GMDS: variants seen among roughly 807,000 people sequenced by gnomAD.
GMDS encodes the protein GDP-mannose 4,6 dehydratase.
In GMDS, 20 loss-of-function variants were observed where a neutral mutation model predicts 49.9. The ratio of observed to expected loss-of-function variants is 0.40; its 90% CI spans 0.28 to 0.58. The LOEUF (loss-of-function observed/expected upper bound fraction) is 0.58, where lower values mean the gene tolerates loss of function less well. GMDS is among the 20% of genes least tolerant of loss of function. The probability of loss-of-function intolerance (pLI) is 0.42; values close to 1 mark genes in which losing one functional copy is unlikely to be tolerated. For missense variants in GMDS, 362 were observed against 481.4 expected, an observed-to-expected ratio of 0.75 and a Z score of 2.32; for synonymous variants, 177 against 178.6, an observed-to-expected ratio of 0.99 and a Z score of 0.07.
chr6:1,747,950 A>G lies in GMDS; in HGVS notation c.772-5364T>C, dbSNP rs114243809. Among the ~76,000 whole-genome samples, 490 of 152,356 alleles carry G rather than the reference A, an allele frequency of 3.2e-3. 2 individuals carry two copies. The highest frequency in any genetic ancestry group is 0.011 in the African/African-American group (473 of 41,580). ...ATACGACGTTACTGAACAGAAAAAA[A>G]AAGATAATAAATTAATCAAAGGACC... On this transcript the variant is annotated intron_variant, in intron 7 of 10. Coordinates refer to ENST00000380815, the MANE Select transcript of GMDS (RefSeq NM_001500.4).
chr6:2,028,714 A>G (rs941628066), intron 4 of GMDS, among the ~76,000 whole-genome samples: 1 of 152,242 alleles, frequency 6.6e-6, no homozygotes, highest in Non-Finnish European at 1.5e-5. Flanking sequence ...AAAGAGCCTC[A>G]GAATGCTTTA....
intron 1 of GMDS, among the ~76,000 whole-genome samples, chr6:2,192,262 G>A (rs575115185): frequency 6.6e-5 from 10 of 152,206 alleles, no homozygotes; most frequent in South Asian, 4.1e-4. Flanking sequence ...AACACTCATC[G>A]GGACACCCTG....
At position 2,000,035 on chromosome 6, in the gene GMDS, CT is replaced by C. The variant is rs1246135856; in HGVS notation, c.346-39070del. Among the ~76,000 whole-genome samples the C allele has an allele frequency of 3.9e-3, 52 of 13,364 alleles. 1 individual carries two copies. The highest frequency in any genetic ancestry group is 6.0e-3 in the South Asian group (2 of 334). 8.8% of individuals were successfully genotyped at this position (13,364 alleles called of 152,430 possible). On this transcript the variant is annotated intron_variant, in intron 4 of 10. Transcript: ENST00000380815. ...TTTTTATATATATATATATCTATATCTTTTTTTTTTTTTTTTTGAGATGGAG... is the reference window on the plus strand; with the variant it reads ...TTTTTATATATATATATATCTATATCTTTTTTTTTTTTTTTTGAGATGGAG...
intron 1 of GMDS, among the ~76,000 whole-genome samples, chr6:2,226,647 A>G (rs1043047314): frequency 2.0e-5 from 3 of 152,202 alleles, no homozygotes; most frequent in East Asian, 1.9e-4. Context: ...GTGTTTGCAT[A>G]TAACATGTCA....
At position 1,675,224 on chromosome 6, in the gene GMDS, A is replaced by G. The variant is rs552724929; in HGVS notation, c.988-50684T>C. Reference sequence around the variant, plus strand: ...AGTGCTGATACATTGTTTTAAATTTAAAATTGCACTCGTTCGTTGTTAGAA... The same window carrying G: ...AGTGCTGATACATTGTTTTAAATTTGAAATTGCACTCGTTCGTTGTTAGAA... On this transcript the variant is annotated intron_variant, in intron 9 of 10. Coordinates refer to ENST00000380815, the MANE Select transcript of GMDS (RefSeq NM_001500.4). Among the ~76,000 whole-genome samples the G allele has an allele frequency of 3.3e-5, 5 of 152,284 alleles. No homozygotes were observed. In the South Asian group the frequency reaches 1.0e-3, roughly 32 times the overall value.
At chr6:2,031,122 T>C (rs1272952085) in intron 4 of GMDS, among the ~76,000 whole-genome samples, 17 of 152,210 alleles carry the variant, frequency 1.1e-4, no homozygotes, top group Admixed American at 1.1e-3. Flanking sequence ...GAAATCGCCC[T>C]GTTAACACGC....
chr6:1,725,593 C>T (rs1766555118), intron 9 of GMDS, among the ~76,000 whole-genome samples: 1 of 152,008 alleles, frequency 6.6e-6, no homozygotes, highest in Non-Finnish European at 1.5e-5. Flanking sequence ...GCTACCACAC[C>T]CGGCTAATTT....
At chr6:1,964,189 T>A (rs183754819) in intron 4 of GMDS, among the ~76,000 whole-genome samples, 1 of 152,368 alleles carries the variant, frequency 6.6e-6, no homozygotes, top group African/African-American at 2.4e-5. Flanking sequence ...TGACATCAAG[T>A]GTCTGTACTC....
intron 7 of GMDS, among the ~76,000 whole-genome samples, chr6:1,746,710 T>C (rs1339955754): frequency 1.3e-5 from 2 of 152,068 alleles, no homozygotes; most frequent in Non-Finnish European, 2.9e-5. Flanking sequence ...TATTTATTTA[T>C]TTATTTTTTG....
chr6:2,077,624 T>C (rs962888563), intron 4 of GMDS, among the ~76,000 whole-genome samples: 4 of 152,094 alleles, frequency 2.6e-5, no homozygotes, highest in African/African-American at 9.7e-5. Flanking sequence ...GTAGCCCTGG[T>C]ATAAAGCCCA....
chr6:1,704,431 T>C (rs1018374809), intron 9 of GMDS, among the ~76,000 whole-genome samples: 8 of 151,976 alleles, frequency 5.3e-5, no homozygotes, highest in Non-Finnish European at 7.4e-5. Flanking sequence ...AGCAAGAGCG[T>C]GTCTGTGAGG....
chr6:2,011,352 T>A (rs1045235167), intron 4 of GMDS, among the ~76,000 whole-genome samples: 4 of 152,228 alleles, frequency 2.6e-5, no homozygotes, highest in Non-Finnish European at 5.9e-5. Flanking sequence ...TTGGTGGGAA[T>A]GTAAATTAAT....
chr6:2,117,926 C>A (rs912240959), intron 2 of GMDS, among the ~76,000 whole-genome samples: 1 of 152,166 alleles, frequency 6.6e-6, no homozygotes, highest in Non-Finnish European at 1.5e-5. Flanking sequence ...GGTAAAACAG[C>A]CTTTGTGGCC....
chr6:1,803,087 T>C (rs1162064429), intron 7 of GMDS, among the ~76,000 whole-genome samples: 1 of 152,222 alleles, frequency 6.6e-6, no homozygotes, highest in Non-Finnish European at 1.5e-5. Flanking sequence ...AGTTAAATTC[T>C]TTTTTCCCAT....
chr6:1,660,809 A>G (rs541779252), intron 9 of GMDS, among the ~76,000 whole-genome samples: 81 of 148,084 alleles, frequency 5.5e-4, no homozygotes, highest in African/African-American at 1.8e-3. Flanking sequence ...GCGGCAAAGA[A>G]TATTCTCATG....
chr6:2,004,081 T>A (rs1767001810), intron 4 of GMDS, among the ~76,000 whole-genome samples: 1 of 152,216 alleles, frequency 6.6e-6, no homozygotes, highest in Non-Finnish European at 1.5e-5. Flanking sequence ...TACAAAATAG[T>A]CAGAGATCAA....
At chr6:1,999,176 G>C (rs1426741215) in intron 4 of GMDS, among the ~76,000 whole-genome samples, 2 of 151,996 alleles carry the variant, frequency 1.3e-5, no homozygotes, top group African/African-American at 2.4e-5. Flanking sequence ...ACAAAAATTA[G>C]CAGGGCGTGG....
intron 7 of GMDS, among the ~76,000 whole-genome samples, chr6:1,889,950 A>C (rs1224623741): frequency 6.6e-6 from 1 of 151,986 alleles, no homozygotes; most frequent in Non-Finnish European, 1.5e-5. Flanking sequence ...AGTGCTTTTT[A>C]TGGTTGAATA....
At chr6:1,662,997 T>C (rs1008836071) in intron 9 of GMDS, among the ~76,000 whole-genome samples, 10 of 152,230 alleles carry the variant, frequency 6.6e-5, no homozygotes, top group Admixed American at 2.0e-4. Context: ...AGCTTCCTAC[T>C]TCCCTCCTTT....
Sources: allele counts gnomAD v4.1 joint callset (sites outside exome capture counted in the v4.1 genomes callset), GRCh38; gene constraint gnomAD v4.1.1; transcripts MANE v1.5; gene names NCBI Gene and HGNC (gene_info 2026-07-23, HGNC 2026-07-21).